SPTLC1: variants seen among roughly 807,000 people sequenced by gnomAD.
SPTLC1 encodes serine palmitoyltransferase 1.
Under a neutral mutation model 68.9 loss-of-function variants are expected in SPTLC1, and 55 were observed. The ratio of observed to expected loss-of-function variants is 0.80; its 90% CI spans 0.64 to 1.00. The LOEUF (loss-of-function observed/expected upper bound fraction) is 1.00. Ranked by LOEUF, SPTLC1 falls within the 50% of genes least tolerant of loss-of-function variation. The pLI, the probability that SPTLC1 is intolerant of heterozygous loss-of-function variation, is 0.00. For synonymous variants in SPTLC1, 197 were observed against 201.6 expected (o/e 0.98, Z 0.19); for missense variants, 449 against 573.1 (o/e 0.78, Z 2.21).
At chr9:92,045,471 T>C (rs1042342600) in intron 12 of SPTLC1, among the ~76,000 whole-genome samples, 1 of 126,832 alleles carries the variant, frequency 7.9e-6, no homozygotes, top group African/African-American at 3.1e-5. Context: ...AATGTGCATA[T>C]GTACCCTAAA....
chr9:92,069,856 T>C (rs1834419938), intron 5 of SPTLC1, among the ~76,000 whole-genome samples: 1 of 152,202 alleles, frequency 6.6e-6, no homozygotes, highest in Non-Finnish European at 1.5e-5. Context: ...AAGAAAAACA[T>C]GCTATGTATA....
chr9:92,044,891 GAT>G (rs935359389), intron 12 of SPTLC1, among the ~76,000 whole-genome samples: 1 of 152,160 alleles, frequency 6.6e-6, no homozygotes, highest in African/African-American at 2.4e-5. Flanking sequence ...GAAAAAGTGT[GAT>G]ACAGCTGGGG....
chr9:92,063,041 T>C (rs1834158820), intron 6 of SPTLC1, among the ~76,000 whole-genome samples: 1 of 151,992 alleles, frequency 6.6e-6, no homozygotes, highest in Non-Finnish European at 1.5e-5. Context: ...TCAATGGAAC[T>C]GACAATAAAA....
intron 3 of SPTLC1, among the ~76,000 whole-genome samples, chr9:92,083,006 T>C (rs900755128): frequency 2.6e-5 from 4 of 152,190 alleles, no homozygotes; most frequent in African/African-American, 9.7e-5. Context: ...GTGAGCATTT[T>C]TTCATGTGTT....
intron 8 of SPTLC1, among the ~76,000 whole-genome samples, chr9:92,054,630 G>A (rs1043478045): frequency 7.2e-5 from 11 of 152,060 alleles, no homozygotes; most frequent in Admixed American, 6.5e-4. Flanking sequence ...TAAAAGCTAC[G>A]TATGGCCGAC....
At chr9:92,079,815 C>T (rs994488230) in intron 5 of SPTLC1, 6 of 658,824 alleles carry the variant, frequency 9.1e-6, no homozygotes, top group Admixed American at 4.9e-5. Flanking sequence ...CCACCATGCC[C>T]GGCTAATTTT....
chr9:92,074,968 C>T (rs760130811), intron 5 of SPTLC1, among the ~76,000 whole-genome samples: 5 of 152,240 alleles, frequency 3.3e-5, no homozygotes, highest in African/African-American at 7.2e-5. Context: ...TCACCTGGAC[C>T]GTCCTGCCCT....
intron 8 of SPTLC1, chr9:92,051,204 G>A (rs1833693463): frequency 1.0e-6 from 1 of 981,042 alleles, no homozygotes; most frequent in Non-Finnish European, 1.2e-6. Flanking sequence ...GATTTCCTCA[G>A]AAATAGTGAA....
chr9:92,075,618 C>A (rs928414023), intron 5 of SPTLC1, among the ~76,000 whole-genome samples: 5 of 152,192 alleles, frequency 3.3e-5, no homozygotes, highest in Admixed American at 1.3e-4. Context: ...GGCCGTCATG[C>A]CTGCATGCCA....
intron 3 of SPTLC1, among the ~76,000 whole-genome samples, chr9:92,099,581 G>C (rs532705016): frequency 1.3e-5 from 2 of 151,468 alleles, no homozygotes; most frequent in East Asian, 3.9e-4. Flanking sequence ...CCAGGCTCAA[G>C]CCATCTTCCC....
At chr9:92,034,160 G>A (rs767268730) in intron 14 of SPTLC1, among the ~76,000 whole-genome samples, 13 of 152,186 alleles carry the variant, frequency 8.5e-5, no homozygotes, top group Admixed American at 2.0e-4. Flanking sequence ...TGTAGACATC[G>A]CCTGCTCTCA....
chr9:92,051,676 A>G (rs1833708845), intron 8 of SPTLC1, among the ~76,000 whole-genome samples: 1 of 152,206 alleles, frequency 6.6e-6, no homozygotes, highest in African/African-American at 2.4e-5. Context: ...AACAAGTAAA[A>G]TTATCTCTAT....
intron 2 of SPTLC1, chr9:92,111,966 T>C (rs1003979420): frequency 1.9e-5 from 3 of 158,700 alleles, no homozygotes; most frequent in Admixed American, 6.0e-5. Flanking sequence ...TGTGGGTGAC[T>C]TGACAATTTA....
Position 92,047,724 on chromosome 9 carries a change from G to A in SPTLC1, c.889-16C>T, listed in dbSNP as rs756835720. On this transcript the variant is annotated splice_polypyrimidine_tract_variant and intron_variant, in intron 9 of 14. Coordinates refer to ENST00000262554, the MANE Select transcript of SPTLC1 (RefSeq NM_006415.4). ...TATCATCAATCTGCCGGAAAAGGAGGAGTGACAGTTATTCCACAGTTTAAA... is the reference window on the plus strand; with the variant it reads ...TATCATCAATCTGCCGGAAAAGGAGAAGTGACAGTTATTCCACAGTTTAAA... 1 of 1,573,446 alleles carries A rather than the reference G, an allele frequency of 6.4e-7. No homozygotes were observed. The highest frequency in any genetic ancestry group is 1.1e-5 in the South Asian group (1 of 90,078).
chr9:92,069,194 G>A (rs985238715), intron 5 of SPTLC1, among the ~76,000 whole-genome samples: 6 of 152,212 alleles, frequency 3.9e-5, no homozygotes, highest in Admixed American at 6.5e-5. Flanking sequence ...TGAGCTAGGG[G>A]CAGCAGAGAG....
intron 12 of SPTLC1, among the ~76,000 whole-genome samples, chr9:92,045,455 C>T (rs557103096): frequency 7.7e-6 from 1 of 130,476 alleles, no homozygotes; most frequent in South Asian, 2.4e-4. Flanking sequence ...ATGTAACTAA[C>T]CTCACAATGT....
intron 8 of SPTLC1, chr9:92,053,857 T>A (rs1270733758): frequency 7.2e-6 from 5 of 697,180 alleles, no homozygotes; most frequent in Middle Eastern, 7.1e-4. Flanking sequence ...GCACACATGG[T>A]AAATGTAATA....
chr9:92,071,245 A>G (rs1834476248), intron 5 of SPTLC1, among the ~76,000 whole-genome samples: 1 of 151,654 alleles, frequency 6.6e-6, no homozygotes, highest in Admixed American at 6.6e-5. Context: ...AAAAAAAAAA[A>G]AAAAATTAGT....
chr9:92,071,965 G>A (rs1834508907), intron 5 of SPTLC1, among the ~76,000 whole-genome samples: 1 of 152,102 alleles, frequency 6.6e-6, no homozygotes, highest in African/African-American at 2.4e-5. Flanking sequence ...GCCCCTAACT[G>A]TAACTTTCCA....
Sources: gnomAD v4.1 joint callset for allele counts (sites outside exome capture counted in the v4.1 genomes callset) on GRCh38, gnomAD v4.1.1 for gene constraint, MANE v1.5 for transcripts, NCBI Gene and HGNC (gene_info 2026-07-23, HGNC 2026-07-21) for gene names.